The following MSTO1 variants were observed in gnomAD, a reference collection of about 807,000 sequenced individuals.
MSTO1 encodes misato mitochondrial distribution and morphology regulator 1, also known as protein misato homolog 1.
MSTO1 carries 24 observed loss-of-function variants against 55.7 expected under a neutral mutation model. That is an observed-to-expected ratio of 0.43 (90% CI 0.31 to 0.61). The LOEUF (loss-of-function observed/expected upper bound fraction) is 0.61. MSTO1 is among the 20% of genes least tolerant of loss of function. MSTO1 has a pLI of 0.09. For synonymous variants in MSTO1, 162 were observed against 252.8 expected, an observed-to-expected ratio of 0.64 and a Z score of 3.41; for missense variants, 363 against 625.7, an observed-to-expected ratio of 0.58 and a Z score of 4.48.
the MSTO1 span, among the ~76,000 whole-genome samples, chr1:155,596,513 A>C: frequency 6.6e-6 from 1 of 152,230 alleles, no homozygotes; most frequent in Non-Finnish European, 1.5e-5. Flanking sequence ...GGCTGGGCAC[A>C]GTAGCTTATG....
upstream of MSTO1, chr1:155,610,128 G>A (rs1260458478): frequency 3.3e-6 from 3 of 906,276 alleles, no homozygotes; most frequent in African/African-American, 3.3e-5. Context: ...AATGGGAAAG[G>A]ATGTGTTTGC....
chr1:155,581,435 C>T, the MSTO1 span, among the ~76,000 whole-genome samples: 3 of 152,028 alleles, frequency 2.0e-5, no homozygotes, highest in Non-Finnish European at 4.4e-5. Flanking sequence ...GACAGAGTCT[C>T]ACTCTGTCGA....
the MSTO1 span, among the ~76,000 whole-genome samples, chr1:155,593,750 C>CCT: frequency 1.3e-5 from 2 of 151,932 alleles, no homozygotes; most frequent in Non-Finnish European, 2.9e-5. Context: ...GGTCAGATCA[C>CCT]GAGGTCAGGA....
the MSTO1 span, among the ~76,000 whole-genome samples, chr1:155,599,322 C>T: frequency 2.0e-5 from 3 of 152,192 alleles, no homozygotes; most frequent in Admixed American, 6.5e-5. Context: ...TAAAAGCTTC[C>T]TGAAGCCTTT....
At chr1:155,567,393 G>A in the MSTO1 span, among the ~76,000 whole-genome samples, 1 of 149,768 alleles carries the variant, frequency 6.7e-6, no homozygotes, top group East Asian at 2.0e-4. Context: ...CTCACTGCAA[G>A]CTCCGCCTAA....
At chr1:155,563,605 C>T in the MSTO1 span, 6 of 456,334 alleles carry the variant, frequency 1.3e-5, no homozygotes, top group Admixed American at 2.3e-5. Flanking sequence ...GATGGTACTT[C>T]TTCAGCCTCG....
At chr1:155,567,942 G>A in the MSTO1 span, among the ~76,000 whole-genome samples, 1 of 151,726 alleles carries the variant, frequency 6.6e-6, no homozygotes, top group Non-Finnish European at 1.5e-5. Flanking sequence ...GGAGGCTGAG[G>A]CAGGAGCATC....
chr1:155,575,632 G>C, the MSTO1 span, among the ~76,000 whole-genome samples: 1 of 151,566 alleles, frequency 6.6e-6, no homozygotes, highest in Non-Finnish European at 1.5e-5. Context: ...TTTGTAGAGA[G>C]CAGGTCTCAT....
the MSTO1 span, among the ~76,000 whole-genome samples, chr1:155,589,302 A>G: frequency 1.3e-5 from 2 of 152,064 alleles, no homozygotes; most frequent in South Asian, 4.1e-4. Context: ...CATCTCAAAA[A>G]AAAAAAAATT....
Position 155,612,398 on chromosome 1 carries a change from A to G in MSTO1, c.814-20A>G. On this transcript the variant is annotated intron_variant, in intron 8 of 13. Transcript: ENST00000245564. ...CCCAGTGGGAGAGCTGCTTAATACA[A>G]ACTACTCTTTCTTCACCAGGAGGCC... 1.2e-6 allele frequency: 2 copies of G among 1,604,036 alleles called. No individual in the cohort carries two copies. Among genetic ancestry groups the G allele is most frequent in the Non-Finnish European group, 1.7e-6 (2 of 1,174,424 alleles).
chr1:155,603,844 C>T, the MSTO1 span, among the ~76,000 whole-genome samples: 3 of 151,778 alleles, frequency 2.0e-5, no homozygotes, highest in East Asian at 1.9e-4. Flanking sequence ...GGTGACAGAG[C>T]GAGACTCTGT....
the MSTO1 span, among the ~76,000 whole-genome samples, chr1:155,591,566 C>T: frequency 1.3e-5 from 2 of 151,900 alleles, no homozygotes; most frequent in Non-Finnish European, 2.9e-5. Context: ...CCGAGGCAGG[C>T]GATCACCTGA....
chr1:155,578,336 CT>C, the MSTO1 span, among the ~76,000 whole-genome samples: 171 of 44,260 alleles, frequency 3.9e-3, no homozygotes, highest in African/African-American at 0.016. Context: ...AACTACCTTT[CT>C]TTTTTTTTTT....
chr1:155,602,546 C>T, the MSTO1 span, among the ~76,000 whole-genome samples: 2 of 152,160 alleles, frequency 1.3e-5, no homozygotes, highest in African/African-American at 2.4e-5. Flanking sequence ...TGACAAGACT[C>T]CCAGAATTTG....
the MSTO1 span, chr1:155,591,142 C>T: frequency 3.7e-6 from 6 of 1,613,362 alleles, no homozygotes; most frequent in African/African-American, 5.3e-5. Context: ...CTGGCCACCA[C>T]GATGCTGTTG....
In MSTO1 at chr1:155,612,548, G is replaced by C. The variant is rs777210932; in HGVS notation, c.944G>C (p.Ser315Thr). ...SLGLRPEPPV[S>T]FPYLHYDATL... ...GGCCTGCGACCCGAGCCACCTGTCA[G>C]CTTCCCTTACCTGCATTATGATGTA... is the stretch of plus-strand genomic sequence containing the variant. Residue 315 changes from serine to threonine, a missense_variant, in exon 9 of 14, where the codon AGC becomes ACC. By Grantham distance (58) the Ser-to-Thr change is moderately conservative. Around this residue, in one of 3 missense-constraint regions of MSTO1, gnomAD observed 231 missense variants for 286.9 expected, o/e 0.81. Coordinates refer to ENST00000245564, the MANE Select transcript of MSTO1 (RefSeq NM_018116.4). 2 of 1,612,512 alleles carry C rather than the reference G, an allele frequency of 1.2e-6. No homozygotes were observed. Among genetic ancestry groups the C allele is most frequent in the South Asian group, 2.2e-5 (2 of 90,984 alleles).
chr1:155,579,206 G>T, the MSTO1 span, among the ~76,000 whole-genome samples: 1 of 151,864 alleles, frequency 6.6e-6, no homozygotes, highest in Non-Finnish European at 1.5e-5. Flanking sequence ...CTAGCTACTC[G>T]GGAGGCCGAG....
rs779334237 is a variant in MSTO1, at chr1:155,614,680, C to T, written c.*407C>T. ...ACTACCCGCCTCCCCGGTGCCAGGG[C>T]GCCTGTTGGGTTTGGTCCTGTGTAG... On this transcript the variant is annotated 3_prime_UTR_variant, in exon 14 of 14. Transcript: ENST00000245564. 660 of 1,546,228 alleles carry T rather than the reference C, an allele frequency of 4.3e-4. 5 individuals carry two copies. Among genetic ancestry groups the T allele is most frequent in the South Asian group, 1.0e-3 (89 of 89,322 alleles).
upstream of MSTO1, among the ~76,000 whole-genome samples, chr1:155,607,862 T>G (rs1672964073): frequency 1.3e-5 from 2 of 152,200 alleles, no homozygotes; most frequent in African/African-American, 4.8e-5. Flanking sequence ...CCGGGTGCAG[T>G]GGCCTATGCC....
Sources: allele counts gnomAD v4.1 joint callset (sites outside exome capture counted in the v4.1 genomes callset), GRCh38; gene constraint gnomAD v4.1.1; regional missense constraint gnomAD v4.1.1; transcripts MANE v1.5; gene names NCBI Gene and HGNC (gene_info 2026-07-23, HGNC 2026-07-21).